Variants in DENND5A observed in about 807,000 individuals in gnomAD.
DENND5A encodes the protein DENN domain-containing protein 5A.
A neutral mutation model predicts 140.3 loss-of-function variants in DENND5A; 64 were observed. The ratio of observed to expected loss-of-function variants is 0.46; its 90% CI spans 0.37 to 0.56. DENND5A has a LOEUF of 0.56. Ranked by LOEUF, DENND5A falls within the 20% of genes least tolerant of loss-of-function variation. The pLI, the probability that DENND5A is intolerant of heterozygous loss-of-function variation, is 0.00. For missense variants in DENND5A, 1,292 were observed against 1,593.8 expected, an observed-to-expected ratio of 0.81 and a Z score of 3.22; for synonymous variants, 605 against 607.7, an observed-to-expected ratio of 1.00 and a Z score of 0.07.
intron 17 of DENND5A, 32 bp downstream of exon 17, chr11:9,145,638 C>T (rs2136115882): frequency 1.2e-6 from 2 of 1,611,846 alleles, no homozygotes; most frequent in South Asian, 2.2e-5. Flanking sequence ...AACTCAGATC[C>T]CCACAGAGCT....
chr11:9,240,332 T>C lies in DENND5A; in HGVS notation c.109+24629A>G, dbSNP rs11602480. Among the ~76,000 whole-genome samples, 135 of 151,890 alleles carry C rather than the reference T, an allele frequency of 8.9e-4. 1 individual carries two copies. Among genetic ancestry groups the C allele is most frequent in the Non-Finnish European group, 1.3e-3 (90 of 67,936 alleles). ...ATCGCTTGAACCCGGGAGGTGGAGG[T>C]TGCAGTGAGCCAAGGTTGCACCATT... On this transcript the variant is annotated intron_variant, in intron 1 of 22. Coordinates refer to ENST00000328194, the MANE Select transcript of DENND5A (RefSeq NM_015213.4).
Position 9,183,206 on chromosome 11 carries a change from C to T in DENND5A, c.1138-2122G>A, listed in dbSNP as rs117610373. Among the ~76,000 whole-genome samples, 131 of 152,316 alleles carry T rather than the reference C, an allele frequency of 8.6e-4. 1 individual carries two copies. In the East Asian group the frequency reaches 0.016, roughly 19 times the overall value. On this transcript the variant is annotated intron_variant, in intron 5 of 22. Transcript: ENST00000328194. Reference sequence around the variant, plus strand: ...GTTCTAGCCAAGACAACATTGCCTTCATTGCAGCACATTATTAAATGCTTA... The same window carrying T: ...GTTCTAGCCAAGACAACATTGCCTTTATTGCAGCACATTATTAAATGCTTA...
rs117336358 is a variant in DENND5A at position 9,217,510 on chromosome 11, C to T, written c.110-9878G>A. 9.2e-3 allele frequency among the ~76,000 whole-genome samples: 1,393 copies of T among 152,068 alleles called. 12 individuals are homozygous for T. Among genetic ancestry groups the T allele is most frequent in the Non-Finnish European group, 0.013 (912 of 67,980 alleles). ...GCCTGGGCAATAAGAGCAAAAATTC[C>T]GTCTCAAATTAATTAATTAATTAAT... On this transcript the variant is annotated intron_variant, in intron 1 of 22. Coordinates refer to ENST00000328194, the MANE Select transcript of DENND5A (RefSeq NM_015213.4).
intron 4 of DENND5A, among the ~76,000 whole-genome samples, chr11:9,199,088 T>C (rs1849438456): frequency 1.4e-5 from 2 of 147,344 alleles, no homozygotes; most frequent in Admixed American, 6.8e-5. Flanking sequence ...ATAGTTTAAC[T>C]ATAAAATTAA....
intron 6 of DENND5A, among the ~76,000 whole-genome samples, chr11:9,180,512 T>C (rs1848692617): frequency 6.6e-6 from 1 of 152,212 alleles, no homozygotes; most frequent in African/African-American, 2.4e-5. Context: ...ATCACTGTGC[T>C]GTAGTGTTCA....
chr11:9,167,235 T>C (rs983520081), intron 10 of DENND5A, among the ~76,000 whole-genome samples: 1 of 152,138 alleles, frequency 6.6e-6, no homozygotes, highest in Non-Finnish European at 1.5e-5. Context: ...GGCATAACTC[T>C]GTCCATTCTA....
chr11:9,237,336 C>T (rs1016473531), intron 1 of DENND5A, among the ~76,000 whole-genome samples: 10 of 152,090 alleles, frequency 6.6e-5, no homozygotes, highest in Admixed American at 4.6e-4. Context: ...AGGAGAATAG[C>T]TCTTGAACCC....
At chr11:9,244,846 G>A (rs373387991) in intron 1 of DENND5A, among the ~76,000 whole-genome samples, 1 of 151,862 alleles carries the variant, frequency 6.6e-6, no homozygotes, top group East Asian at 1.9e-4. Flanking sequence ...GCTAATGTTT[G>A]TATCTTTATT....
chr11:9,167,095 ATTC>A (rs1009915039), intron 10 of DENND5A, among the ~76,000 whole-genome samples: 7 of 152,192 alleles, frequency 4.6e-5, no homozygotes, highest in African/African-American at 1.7e-4. Flanking sequence ...TGTGCTGGTG[ATTC>A]TTCTTCATAT....
chr11:9,252,490 T>C (rs1590341318), intron 1 of DENND5A, among the ~76,000 whole-genome samples: 1 of 149,644 alleles, frequency 6.7e-6, no homozygotes, highest in Non-Finnish European at 1.5e-5. Flanking sequence ...TTACCAAAAA[T>C]ACAAAAATTA....
chr11:9,170,685 G>C lies in DENND5A; in HGVS notation c.1999C>G (p.Pro667Ala). The C allele has an allele frequency of 6.2e-7, 1 of 1,613,948 alleles. No homozygotes were observed. The highest frequency in any genetic ancestry group is 8.5e-7 in the Non-Finnish European group (1 of 1,179,988). Residue 667 changes from proline (P) to alanine (A), a missense_variant, in exon 9 of 23, where the codon CCG becomes GCG. Around this residue, in one of 4 missense-constraint regions of DENND5A, gnomAD observed 199 missense variants for 189.1 expected, o/e 1.05. Coordinates refer to ENST00000328194, the MANE Select transcript of DENND5A (RefSeq NM_015213.4). ...GACTGCAGCTTAGGGAAGAAGCCCG[G>C]CTCATATTTCCCTTGTCCAATCTTC... is the stretch of plus-strand genomic sequence containing the variant. ...DMKIGQGKYEPGFFPKLQSDV... is the reference protein window; with the variant it reads ...DMKIGQGKYEAGFFPKLQSDV...
chr11:9,158,305 G>A (rs887479006), intron 12 of DENND5A, among the ~76,000 whole-genome samples: 1 of 152,082 alleles, frequency 6.6e-6, no homozygotes, highest in African/African-American at 2.4e-5. Flanking sequence ...AGCAGTTTGG[G>A]GGGCTGAGGC....
intron 1 of DENND5A, among the ~76,000 whole-genome samples, chr11:9,244,862 A>G (rs1050211211): frequency 6.6e-6 from 1 of 151,850 alleles, no homozygotes; most frequent in African/African-American, 2.4e-5. Context: ...TTATTCATAG[A>G]GACAGGGTTT....
chr11:9,169,363 T>C (rs1848292020), intron 10 of DENND5A, among the ~76,000 whole-genome samples: 1 of 152,062 alleles, frequency 6.6e-6, no homozygotes, highest in African/African-American at 2.4e-5. Flanking sequence ...GGGGAATTGC[T>C]TGAACCCAGG....
At chr11:9,177,231 GCA>G (rs1019965779) in intron 8 of DENND5A, among the ~76,000 whole-genome samples, 1 of 147,996 alleles carries the variant, frequency 6.8e-6, no homozygotes, top group Non-Finnish European at 1.5e-5. Context: ...TCCAGCCTAG[GCA>G]ACTGAGTGAG....
intron 1 of DENND5A, among the ~76,000 whole-genome samples, chr11:9,223,963 G>C (rs541558925): frequency 6.6e-6 from 1 of 151,804 alleles, no homozygotes; most frequent in Non-Finnish European, 1.5e-5. Flanking sequence ...AGGCCGCAGT[G>C]GGCGGATCAC....
At chr11:9,173,544 A>G (rs577486022) in intron 8 of DENND5A, among the ~76,000 whole-genome samples, 1 of 152,232 alleles carries the variant, frequency 6.6e-6, no homozygotes, top group Non-Finnish European at 1.5e-5. Context: ...GTTTAGAGAC[A>G]GGGTCTCATC....
At chr11:9,215,087 T>G (rs1850037421) in intron 1 of DENND5A, among the ~76,000 whole-genome samples, 1 of 152,168 alleles carries the variant, frequency 6.6e-6, no homozygotes, top group Admixed American at 6.6e-5. Flanking sequence ...TTACCAGGCT[T>G]TTCAATGTAA....
At chr11:9,189,795 C>T (rs554613031) in intron 5 of DENND5A, among the ~76,000 whole-genome samples, 1 of 152,174 alleles carries the variant, frequency 6.6e-6, no homozygotes, top group Non-Finnish European at 1.5e-5. Context: ...CTTGTGCCAC[C>T]ATGCCCAGCC....
Sources: gnomAD v4.1 joint callset for allele counts (sites outside exome capture counted in the v4.1 genomes callset) on GRCh38, gnomAD v4.1.1 for gene constraint, gnomAD v4.1.1 regional missense constraint, MANE v1.5 for transcripts, NCBI Gene and HGNC (gene_info 2026-07-23, HGNC 2026-07-21) for gene names.